The following DAD1 variants were observed in gnomAD, a reference collection of about 807,000 sequenced individuals.
DAD1 encodes the protein dolichyl-diphosphooligosaccharide--protein glycosyltransferase subunit DAD1.
Under a neutral mutation model 9.0 loss-of-function variants are expected in DAD1, and 4 were observed. The ratio of observed to expected loss-of-function variants is 0.44; its 90% CI spans 0.22 to 1.01. DAD1 has a LOEUF of 1.01. Among genes scored for constraint, DAD1 ranks in the 50% least tolerant of loss-of-function variants. The pLI is 0.24. For synonymous variants in DAD1, 60 were observed against 62.5 expected (o/e 0.96, Z 0.19); for missense variants, 119 against 137.3 (o/e 0.87, Z 0.67).
intron 1 of DAD1, among the ~76,000 whole-genome samples, chr14:22,585,877 C>T (rs752615919): frequency 6.6e-6 from 1 of 152,190 alleles, no homozygotes; most frequent in Non-Finnish European, 1.5e-5. Context: ...ATCCTACATG[C>T]TAACACCAAT....
intron 1 of DAD1, among the ~76,000 whole-genome samples, chr14:22,578,722 C>G (rs1365394937): frequency 1.3e-5 from 2 of 152,156 alleles, no homozygotes; most frequent in African/African-American, 4.8e-5. Flanking sequence ...TGGTAATGTC[C>G]TGCATCTTGA....
intron 1 of DAD1, among the ~76,000 whole-genome samples, chr14:22,588,501 C>CA (rs2037169369): frequency 6.6e-6 from 1 of 152,194 alleles, no homozygotes; most frequent in African/African-American, 2.4e-5. Flanking sequence ...GATGATTCAA[C>CA]AAGAAAAGCA....
intron 1 of DAD1, among the ~76,000 whole-genome samples, chr14:22,586,199 CAA>C (rs11357700): frequency 3.3e-5 from 4 of 122,418 alleles, no homozygotes; most frequent in Admixed American, 8.1e-5. Flanking sequence ...GACTCCGTCT[CAA>C]AAAAAAAAAA....
At chr14:22,571,025 T>TAAAAA (rs34659715) in intron 2 of DAD1, among the ~76,000 whole-genome samples, 21,736 of 149,152 alleles carry the variant, frequency 0.15, 1,981 homozygotes, top group African/African-American at 0.26. Context: ...TTTTTTTTTT[T>TAAAAA]AAAAAAGAGT....
intron 2 of DAD1, among the ~76,000 whole-genome samples, chr14:22,574,549 A>C (rs990104565): frequency 6.6e-6 from 1 of 152,208 alleles, no homozygotes; most frequent in Admixed American, 6.5e-5. Context: ...CTTATATTTT[A>C]AAGTCTTCTC....
At chr14:22,586,207 A>T (rs1054189712) in intron 1 of DAD1, among the ~76,000 whole-genome samples, 2 of 151,840 alleles carry the variant, frequency 1.3e-5, no homozygotes, top group South Asian at 4.2e-4. Flanking sequence ...CTCAAAAAAA[A>T]AAAAAAAGCA....
chr14:22,573,552 T>C (rs1032929139), intron 2 of DAD1, among the ~76,000 whole-genome samples: 9 of 151,336 alleles, frequency 5.9e-5, no homozygotes, highest in African/African-American at 1.9e-4. Flanking sequence ...CTACTAAAAA[T>C]ACAAAAAATT....
At chr14:22,585,897 T>C (rs1189489955) in intron 1 of DAD1, among the ~76,000 whole-genome samples, 3 of 152,210 alleles carry the variant, frequency 2.0e-5, no homozygotes, top group Admixed American at 6.5e-5. Context: ...TTTTAAATCT[T>C]TTCCTTTCTT....
At chr14:22,583,200 TA>T (rs1285831819) in intron 1 of DAD1, among the ~76,000 whole-genome samples, 2 of 151,876 alleles carry the variant, frequency 1.3e-5, no homozygotes, top group Non-Finnish European at 2.9e-5. Context: ...ACTAAAAATA[TA>T]AAGGAGTAGT....
chr14:22,581,640 G>A (rs1314448085), intron 1 of DAD1, among the ~76,000 whole-genome samples: 1 of 151,510 alleles, frequency 6.6e-6, no homozygotes, highest in Non-Finnish European at 1.5e-5. Context: ...CTACTCAGGA[G>A]GCTGAGGCAG....
intron 1 of DAD1, among the ~76,000 whole-genome samples, chr14:22,580,102 G>A (rs991266873): frequency 1.3e-5 from 2 of 151,846 alleles, no homozygotes; most frequent in African/African-American, 4.8e-5. Flanking sequence ...ACAGACATGA[G>A]CCCCCACACC....
chr14:22,575,431 T>C (rs1250225223), intron 1 of DAD1, among the ~76,000 whole-genome samples, 198 bp from the exon 2 acceptor site: 2 of 151,978 alleles, frequency 1.3e-5, no homozygotes, highest in African/African-American at 4.8e-5. Context: ...AACAGTAAAA[T>C]GGATAAATTA....
At chr14:22,577,294 C>T (rs1426109414) in intron 1 of DAD1, among the ~76,000 whole-genome samples, 2 of 151,936 alleles carry the variant, frequency 1.3e-5, no homozygotes, top group Admixed American at 6.6e-5. Context: ...ATTAGCTGGG[C>T]GTGGTGGTAG....
chr14:22,583,076 G>A (rs974762777), intron 1 of DAD1, among the ~76,000 whole-genome samples: 1 of 151,876 alleles, frequency 6.6e-6, no homozygotes, highest in Non-Finnish European at 1.5e-5. Context: ...CAGATGGCTG[G>A]ATGAGCAGGT....
In DAD1 at chr14:22,574,793, T is replaced by C. The variant is rs5742800; in HGVS notation, c.*44+266A>G. On this transcript the variant is annotated intron_variant, in intron 2 of 2. Transcript: ENST00000250498. ...AATCTCCGAGTTATTTTCGTGGAGTTATTGGTACAGAAATTATTGTACTAG... is the reference window on the plus strand; with the variant it reads ...AATCTCCGAGTTATTTTCGTGGAGTCATTGGTACAGAAATTATTGTACTAG... Among the ~76,000 whole-genome samples, 14,004 of 152,280 alleles carry C rather than the reference T, an allele frequency of 0.092. 1,184 individuals carry two copies. The highest frequency in any genetic ancestry group is 0.22 in the African/African-American group (9,202 of 41,516).
At chr14:22,567,109 C>T (rs2037006613) in intron 2 of DAD1, 1 of 152,212 alleles carries the variant, frequency 6.6e-6, no homozygotes, top group Non-Finnish European at 1.5e-5. Flanking sequence ...AGCGTGACTT[C>T]AGTCTATTTC....
Position 22,575,181 on chromosome 14 carries a change from G to A in DAD1, c.264C>T (p.Ile88=), listed in dbSNP as rs111798349. ...NPQNKADFQG[I]SPERAFADFL... is the part of the protein sequence containing the mutation. The stretch of plus-strand genomic sequence containing the variant: ...AATCAGCAAAGGCTCGCTCTGGGGA[G>A]ATGCCTTGGAAATCCGCTTTGTTCT... Residue 88 remains isoleucine, a synonymous_variant, in exon 2 of 3, where the codon ATC becomes ATT. Transcript: ENST00000250498. 253 of 1,614,212 alleles carry A rather than the reference G, an allele frequency of 1.6e-4. No homozygotes were observed. The African/African-American group carries it at 3.0e-3, about 19-fold the overall frequency.
At chr14:22,585,343 T>A (rs1276378923) in intron 1 of DAD1, among the ~76,000 whole-genome samples, 1 of 152,202 alleles carries the variant, frequency 6.6e-6, no homozygotes, top group African/African-American at 2.4e-5. Context: ...TTTCTACTTA[T>A]CCCTCCTAAA....
intron 2 of DAD1, among the ~76,000 whole-genome samples, chr14:22,568,456 G>C (rs995253364): frequency 3.3e-5 from 5 of 152,140 alleles, no homozygotes; most frequent in African/African-American, 1.2e-4. Context: ...AAAAAGCAAC[G>C]ATTAAGGAGA....
Sources: gnomAD v4.1 joint callset for allele counts (sites outside exome capture counted in the v4.1 genomes callset) on GRCh38, gnomAD v4.1.1 for gene constraint, MANE v1.5 for transcripts, NCBI Gene and HGNC (gene_info 2026-07-23, HGNC 2026-07-21) for gene names.